TSNAX: variants seen among roughly 807,000 people sequenced by gnomAD.
TSNAX encodes the protein translin associated factor X, also known as translin-associated protein X.
Under a neutral mutation model 33.0 loss-of-function variants are expected in TSNAX, and 12 were observed. The observed-to-expected ratio is 0.36, with a 90% CI of 0.23 to 0.59. The LOEUF is 0.59. Ranked by LOEUF, TSNAX falls within the 20% of genes least tolerant of loss-of-function variation. The pLI, the probability that TSNAX is intolerant of heterozygous loss-of-function variation, is 0.74. For missense variants in TSNAX, 267 were observed against 341.3 expected (o/e 0.78, Z 1.72); for synonymous variants, 110 against 117.2 (o/e 0.94, Z 0.40).
chr1:231,533,068 C>CTTT (rs746007509), intron 2 of TSNAX, among the ~76,000 whole-genome samples: 17 of 136,414 alleles, frequency 1.2e-4, no homozygotes, highest in African/African-American at 4.3e-4. Flanking sequence ...CATGGGAAGT[C>CTTT]TTTTTTTTTT....
At chr1:231,540,173 C>CA (rs10714707) in intron 3 of TSNAX, among the ~76,000 whole-genome samples, 8,964 of 69,268 alleles carry the variant, frequency 0.13, 956 homozygotes, top group East Asian at 0.27. Flanking sequence ...GACTCTGTCT[C>CA]AAAAAAAAAA....
At chr1:231,559,472 G>T (rs936635473) in intron 4 of TSNAX, among the ~76,000 whole-genome samples, 1 of 152,046 alleles carries the variant, frequency 6.6e-6, no homozygotes, top group Non-Finnish European at 1.5e-5. Context: ...GGGACTACAG[G>T]CACCCGCCAC....
At chr1:231,542,955 G>A (rs1468288850) in intron 4 of TSNAX, 3 of 156,606 alleles carry the variant, frequency 1.9e-5, no homozygotes, top group African/African-American at 4.8e-5. Context: ...GAGGCGGGTG[G>A]ATCACCAGGT....
At chr1:231,559,317 TTTGTTGTTGTTG>T (rs71179786) in intron 4 of TSNAX, among the ~76,000 whole-genome samples, 1 of 151,212 alleles carries the variant, frequency 6.6e-6, no homozygotes, top group African/African-American at 2.4e-5. Context: ...TAGAATATAG[TTTGTTGTTGTTG>T]TTGTTGTTGT....
chr1:231,556,082 G>A (rs1296730976), intron 4 of TSNAX, among the ~76,000 whole-genome samples: 3 of 152,128 alleles, frequency 2.0e-5, no homozygotes, highest in East Asian at 1.9e-4. Flanking sequence ...TGACAATTAC[G>A]GAGACAATGA....
intron 4 of TSNAX, among the ~76,000 whole-genome samples, chr1:231,547,335 A>G (rs766477725): frequency 1.3e-5 from 2 of 149,066 alleles, no homozygotes; most frequent in Non-Finnish European, 3.0e-5. Flanking sequence ...GATAGCTAGT[A>G]TCTAGTGCTT....
intron 3 of TSNAX, 114 bp from the exon 4 acceptor site, chr1:231,542,354 GAGTAGTTTTGAGT>G (rs1447702550): frequency 1.2e-6 from 1 of 856,154 alleles, no homozygotes; most frequent in Non-Finnish European, 1.7e-6. Flanking sequence ...GAATAGTTTT[GAGTAGTTTTGAGT>G]TAGAAGTATA....
rs1228865585 is a variant in TSNAX at position 231,565,895 on chromosome 1, C to T, written c.*990C>T. On this transcript the variant is annotated 3_prime_UTR_variant, in exon 6 of 6. Transcript: ENST00000366639. ...CATTTATTTTTTGTTTTTTTTTAAT[C>T]ACAGTAGGTCTGATAGAGAATTGGA... 1 of 151,414 alleles carries T rather than the reference C, an allele frequency of 6.6e-6. No homozygotes were observed. The highest frequency in any genetic ancestry group is 6.6e-5 in the Admixed American group (1 of 15,196). The allele number at this position is 151,414 out of a possible 1,614,324, so 9.4% of individuals were successfully genotyped here.
In TSNAX at chr1:231,533,237, G is replaced by T. The variant is rs183908959; in HGVS notation, c.121+3878G>T. On this transcript the variant is annotated intron_variant, in intron 2 of 5. Coordinates refer to ENST00000366639, the MANE Select transcript of TSNAX (RefSeq NM_005999.3). ...CCTCAGCCTCCCAGGTAGCTGGGAC[G>T]ACAGGCCTGTGCCACCATGCCCGGC... 9.0e-3 allele frequency among the ~76,000 whole-genome samples: 1,376 copies of T among 152,068 alleles called. 14 individuals are homozygous for T. Among genetic ancestry groups the T allele is most frequent in the South Asian group, 0.028 (137 of 4,808 alleles).
chr1:231,561,220 T>C lies in TSNAX; in HGVS notation c.460T>C (p.Phe154Leu). Residue 154 changes from phenylalanine (F) to leucine (L), a missense_variant, in exon 5 of 6, where the codon TTT becomes CTT. This residue lies in a region of TSNAX where 200 missense variants were observed against 214.1 expected (regional missense o/e 0.93). Transcript: ENST00000366639. ...GGATGAAATTAATAAACAATTGATA[T>C]TTACGACTGAAGACAATGGGAAAGA... ...SMDEINKQLIFTTEDNGKENK... is the reference protein window; with the variant it reads ...SMDEINKQLILTTEDNGKENK... The C allele has an allele frequency of 1.3e-6, 2 of 1,575,006 alleles. No homozygotes were observed. Among genetic ancestry groups the C allele is most frequent in the East Asian group, 2.2e-5 (1 of 44,492 alleles).
At chr1:231,532,804 C>A (rs983217985) in intron 2 of TSNAX, among the ~76,000 whole-genome samples, 2 of 152,002 alleles carry the variant, frequency 1.3e-5, no homozygotes, top group African/African-American at 4.8e-5. Context: ...TTAGTTGAGC[C>A]TTTTTGATTT....
At position 231,566,519 on chromosome 1, in the gene TSNAX, A is replaced by G. The variant is rs1464972427; in HGVS notation, c.*1614A>G. ...AAGAAAATAAAACATGGACATGCCT[A>G]GTAAATTCTGTTTTTTTGTTTGTTC... On this transcript the variant is annotated 3_prime_UTR_variant, in exon 6 of 6. Coordinates refer to ENST00000366639, the MANE Select transcript of TSNAX (RefSeq NM_005999.3). 1.3e-5 allele frequency: 2 copies of G among 152,160 alleles called. No homozygotes were observed. The highest frequency in any genetic ancestry group is 4.8e-5 in the African/African-American group (2 of 41,444). 9.4% of individuals were successfully genotyped at this position (152,160 alleles called of 1,614,324 possible).
intron 2 of TSNAX, 35 bp from the exon 3 acceptor site, chr1:231,537,178 G>A (rs1342809291): frequency 5.4e-6 from 8 of 1,474,202 alleles, no homozygotes; most frequent in Non-Finnish European, 7.5e-6. Context: ...TTTGAGTATA[G>A]AATATACATG....
chr1:231,537,706 ACT>A (rs948067681), intron 3 of TSNAX, among the ~76,000 whole-genome samples: 5 of 143,502 alleles, frequency 3.5e-5, no homozygotes, highest in African/African-American at 1.3e-4. Context: ...CCACCACCGC[ACT>A]CTAGCCTGGG....
At chr1:231,538,277 A>G (rs1327732563) in intron 3 of TSNAX, among the ~76,000 whole-genome samples, 1 of 152,258 alleles carries the variant, frequency 6.6e-6, no homozygotes, top group Non-Finnish European at 1.5e-5. Flanking sequence ...GAAATTAATT[A>G]TAAAAAAAGC....
rs10714707 is a variant in TSNAX at position 231,540,173 on chromosome 1, C to CAAAA, written c.237-2286_237-2283dup. Among the ~76,000 whole-genome samples the CAAAA allele has an allele frequency of 6.4e-4, 45 of 70,426 alleles. 1 individual carries two copies. The highest frequency in any genetic ancestry group is 1.6e-3 in the African/African-American group (36 of 22,298). 46.2% of individuals were successfully genotyped at this position (70,426 alleles called of 152,430 possible). On this transcript the variant is annotated intron_variant, in intron 3 of 5. Transcript: ENST00000366639. ...TGGGTGACAGAATAGGACTCTGTCT[C>CAAAA]AAAAAAAAAAAAAAAAAAAAAAAAA...
At chr1:231,536,198 A>G (rs1472066986) in intron 2 of TSNAX, 1 of 152,218 alleles carries the variant, frequency 6.6e-6, no homozygotes, top group Non-Finnish European at 1.5e-5. Context: ...TCTAGTTATA[A>G]CAAAACTAAC....
intron 2 of TSNAX, 23 bp from the exon 3 acceptor site, chr1:231,537,190 T>G (rs1659239382): frequency 6.5e-7 from 1 of 1,534,726 alleles, no homozygotes; most frequent in East Asian, 2.3e-5. Flanking sequence ...ATATACATGC[T>G]TATGATCATA....
intron 4 of TSNAX, among the ~76,000 whole-genome samples, chr1:231,547,653 A>G (rs1660017597): frequency 6.6e-6 from 1 of 151,960 alleles, no homozygotes; most frequent in East Asian, 1.9e-4. Flanking sequence ...GGCCTCCCAA[A>G]GTGCTGGGAT....
Sources: allele counts gnomAD v4.1 joint callset (sites outside exome capture counted in the v4.1 genomes callset), GRCh38; gene constraint gnomAD v4.1.1; regional missense constraint gnomAD v4.1.1; transcripts MANE v1.5; gene names NCBI Gene and HGNC (gene_info 2026-07-23, HGNC 2026-07-21).